Variants in SULF1 observed in about 807,000 individuals in gnomAD.
SULF1 encodes the protein extracellular sulfatase Sulf-1.
SULF1 carries 46 observed loss-of-function variants against 110.5 expected under a neutral mutation model. The ratio of observed to expected loss-of-function variants is 0.42; its 90% CI spans 0.33 to 0.53. The LOEUF (loss-of-function observed/expected upper bound fraction) is 0.53, where lower values mean the gene tolerates loss of function less well. Ranked by LOEUF, SULF1 falls within the 20% of genes least tolerant of loss-of-function variation. SULF1 has a pLI of 0.12. For synonymous variants in SULF1, 371 were observed against 387.1 expected (o/e 0.96, Z 0.49); for missense variants, 941 against 1,094.2 (o/e 0.86, Z 1.98).
intron 21 of SULF1, 130 bp from the exon 22 acceptor site, chr8:69,640,678 C>T (rs1811410060): frequency 1.6e-6 from 1 of 617,080 alleles, no homozygotes; most frequent in African/African-American, 1.9e-5. Flanking sequence ...TGTTGGGCTT[C>T]AGCACTGTCT....
chr8:69,555,860 ATTG>A (rs1314873122), intron 3 of SULF1, among the ~76,000 whole-genome samples: 1 of 152,184 alleles, frequency 6.6e-6, no homozygotes, highest in East Asian at 1.9e-4. Context: ...ATACCATCTA[ATTG>A]TCTTTTTAAA....
At chr8:69,558,815 A>AT (rs1815288280) in intron 3 of SULF1, among the ~76,000 whole-genome samples, 1 of 152,300 alleles carries the variant, frequency 6.6e-6, no homozygotes, top group South Asian at 2.1e-4. Flanking sequence ...AACAGTTTTT[A>AT]TGTGGATTAT....
chr8:69,498,176 A>G (rs898701034), intron 2 of SULF1, among the ~76,000 whole-genome samples: 2 of 151,836 alleles, frequency 1.3e-5, no homozygotes, highest in African/African-American at 4.8e-5. Flanking sequence ...TCAGAGCTGT[A>G]CTGAGTCATG....
chr8:69,473,332 T>C (rs1176790755), intron 1 of SULF1: 3 of 152,218 alleles, frequency 2.0e-5, no homozygotes, highest in Non-Finnish European at 4.4e-5. Flanking sequence ...GTCGGTGAGA[T>C]TAATACTAAA....
intron 13 of SULF1, among the ~76,000 whole-genome samples, chr8:69,618,932 C>G (rs1050076141): frequency 1.3e-5 from 2 of 152,228 alleles, no homozygotes; most frequent in East Asian, 3.8e-4. Flanking sequence ...GCAAAGCCAT[C>G]TGGGACCTTT....
intron 2 of SULF1, among the ~76,000 whole-genome samples, chr8:69,498,113 C>CCACA (rs71257190): frequency 0.011 from 1,602 of 148,714 alleles, 16 homozygotes; most frequent in Non-Finnish European, 0.013. Flanking sequence ...CTCTCTCTCT[C>CCACA]CACACACACA....
chr8:69,544,254 T>TTTTGTATAAAAACATTG (rs1452026915), intron 3 of SULF1, among the ~76,000 whole-genome samples: 5 of 147,490 alleles, frequency 3.4e-5, no homozygotes, highest in Non-Finnish European at 1.5e-5. Flanking sequence ...AACAAATGTT[T>TTTTGTATAAAAACATTG]TTTTTTGTTT....
chr8:69,481,624 C>T (rs934918974), intron 1 of SULF1, among the ~76,000 whole-genome samples: 3 of 152,104 alleles, frequency 2.0e-5, no homozygotes, highest in African/African-American at 7.2e-5. Context: ...CAACCACTCA[C>T]CCTATGACAG....
At chr8:69,497,950 T>C (rs1448201531) in intron 2 of SULF1, among the ~76,000 whole-genome samples, 4 of 152,176 alleles carry the variant, frequency 2.6e-5, no homozygotes, top group Admixed American at 6.5e-5. Context: ...CCACACTTAC[T>C]TGAAGATGGT....
intron 22 of SULF1, among the ~76,000 whole-genome samples, chr8:69,656,216 G>A (rs1374595930): frequency 6.6e-6 from 1 of 152,058 alleles, no homozygotes; most frequent in African/African-American, 2.4e-5. Context: ...GGTGTGTTGT[G>A]GTTTTCTGCA....
chr8:69,575,592 G>A (rs1360039178), intron 5 of SULF1, among the ~76,000 whole-genome samples: 2 of 152,058 alleles, frequency 1.3e-5, no homozygotes, highest in Non-Finnish European at 2.9e-5. Flanking sequence ...CTAGTAGATT[G>A]CATTTGTGCT....
chr8:69,470,523 T>TC (rs1466236144), intron 1 of SULF1, among the ~76,000 whole-genome samples: 1 of 152,110 alleles, frequency 6.6e-6, no homozygotes, highest in Non-Finnish European at 1.5e-5. Context: ...GTCATCAAAT[T>TC]CTGTGAGTCC....
chr8:69,629,811 A>T (rs1810380403), intron 19 of SULF1, 132 bp downstream of exon 19: 1 of 792,944 alleles, frequency 1.3e-6, no homozygotes, highest in Non-Finnish European at 1.9e-6. Flanking sequence ...TCTACTCTAT[A>T]CTGGAAACTC....
At chr8:69,559,179 T>C (rs1414310533) in intron 3 of SULF1, among the ~76,000 whole-genome samples, 1 of 152,250 alleles carries the variant, frequency 6.6e-6, no homozygotes, top group African/African-American at 2.4e-5. Context: ...TATTTTCTGA[T>C]ACTACAACAA....
intron 1 of SULF1, among the ~76,000 whole-genome samples, chr8:69,485,862 G>T (rs1278793269): frequency 6.6e-6 from 1 of 152,048 alleles, no homozygotes; most frequent in South Asian, 2.1e-4. Context: ...ATTTTTTTCT[G>T]TGTCTGGAAT....
chr8:69,509,613 G>A (rs973204409), intron 3 of SULF1, among the ~76,000 whole-genome samples: 1 of 152,098 alleles, frequency 6.6e-6, no homozygotes, highest in South Asian at 2.1e-4. Context: ...GGCTCCTGTT[G>A]GGCACTAAAG....
intron 13 of SULF1, among the ~76,000 whole-genome samples, chr8:69,608,401 C>T (rs763165167): frequency 1.3e-5 from 2 of 152,146 alleles, no homozygotes; most frequent in African/African-American, 2.4e-5. Flanking sequence ...GGGCTGAGGC[C>T]GGGCACGGTG....
chr8:69,557,529 C>A (rs1042225971), intron 3 of SULF1, among the ~76,000 whole-genome samples: 1 of 152,154 alleles, frequency 6.6e-6, no homozygotes, highest in Non-Finnish European at 1.5e-5. Flanking sequence ...CACTCTTCAA[C>A]CCTCACTTCA....
intron 13 of SULF1, among the ~76,000 whole-genome samples, chr8:69,613,131 T>G (rs928965973): frequency 4.6e-5 from 7 of 152,162 alleles, no homozygotes; most frequent in Non-Finnish European, 1.0e-4. Context: ...CCAATTTATG[T>G]TTTTGTTAAC....
Sources: allele counts gnomAD v4.1 joint callset (sites outside exome capture counted in the v4.1 genomes callset), GRCh38; gene constraint gnomAD v4.1.1; transcripts MANE v1.5; gene names NCBI Gene and HGNC (gene_info 2026-07-23, HGNC 2026-07-21).